The following SLC39A11 variants were observed in gnomAD, a reference collection of about 807,000 sequenced individuals.
SLC39A11 encodes zinc transporter ZIP11.
In SLC39A11, 33 loss-of-function variants were observed where a neutral mutation model predicts 36.1. The ratio of observed to expected loss-of-function variants is 0.91; its 90% CI spans 0.69 to 1.22. The LOEUF is 1.22. Among genes scored for constraint, SLC39A11 ranks in the 50% most tolerant of loss-of-function variants. The pLI is 0.00. For missense variants in SLC39A11, 432 were observed against 430.3 expected (o/e 1.00, Z -0.03); for synonymous variants, 166 against 170.3 (o/e 0.97, Z 0.20).
chr17:72,817,466 A>T (rs1020860946), intron 6 of SLC39A11, among the ~76,000 whole-genome samples: 2 of 151,790 alleles, frequency 1.3e-5, no homozygotes, highest in African/African-American at 4.8e-5. Context: ...TTCATGAGGG[A>T]TCCACCCTCA....
At chr17:73,082,142 A>AAG (rs2060562771) in intron 3 of SLC39A11, among the ~76,000 whole-genome samples, 4 of 146,346 alleles carry the variant, frequency 2.7e-5, no homozygotes, top group African/African-American at 7.4e-5. Context: ...AAAAAAAAAA[A>AAG]GGGCAAAAAT....
At chr17:72,948,211 AC>A (rs1293816339) in intron 4 of SLC39A11, among the ~76,000 whole-genome samples, 3 of 150,648 alleles carry the variant, frequency 2.0e-5, no homozygotes, top group African/African-American at 7.4e-5. Context: ...CACACACAAA[AC>A]CCCACTGCAA....
Position 73,088,324 on chromosome 17 carries a change from G to T in SLC39A11, c.108+333C>A, listed in dbSNP as rs537049007. ...AAAAAAGAAAAAAGAAAAAAGAAAAGAAATTACATGGCAGGTAGAAATTAG... is the reference window on the plus strand; with the variant it reads ...AAAAAAGAAAAAAGAAAAAAGAAAATAAATTACATGGCAGGTAGAAATTAG... On this transcript the variant is annotated intron_variant, in intron 2 of 9. Transcript: ENST00000255559. Among the ~76,000 whole-genome samples, 152 of 151,188 alleles carry T rather than the reference G, an allele frequency of 1.0e-3. 1 individual carries two copies. The highest frequency in any genetic ancestry group is 4.0e-4 in the Non-Finnish European group (27 of 67,778).
intron 6 of SLC39A11, among the ~76,000 whole-genome samples, chr17:72,844,371 C>T (rs2078958829): frequency 6.6e-6 from 1 of 152,118 alleles, no homozygotes; most frequent in African/African-American, 2.4e-5. Context: ...GTTTAAGTAA[C>T]ATTCATGTGC....
intron 4 of SLC39A11, among the ~76,000 whole-genome samples, chr17:72,990,045 C>T (rs2089056003): frequency 6.6e-6 from 1 of 152,192 alleles, no homozygotes; most frequent in Non-Finnish European, 1.5e-5. Flanking sequence ...GTGACTTACC[C>T]ATCTTAGTAC....
At chr17:73,081,855 T>C (rs749923511) in intron 3 of SLC39A11, among the ~76,000 whole-genome samples, 2 of 150,772 alleles carry the variant, frequency 1.3e-5, no homozygotes, top group African/African-American at 4.9e-5. Context: ...CATTATTCTA[T>C]GTGAAGTAAC....
intron 5 of SLC39A11, among the ~76,000 whole-genome samples, chr17:72,905,172 C>CAA (rs58702930): frequency 0.011 from 477 of 42,900 alleles, 121 homozygotes; most frequent in African/African-American, 0.041. Flanking sequence ...GACTCCATCT[C>CAA]AAAAAAAAAA....
chr17:72,904,892 G>A (rs564973142), intron 5 of SLC39A11, among the ~76,000 whole-genome samples: 38 of 152,068 alleles, frequency 2.5e-4, no homozygotes, highest in Admixed American at 1.0e-3. Flanking sequence ...AAGATAGCAC[G>A]GCTGGGCACA....
At chr17:72,826,293 C>T (rs1035176829) in intron 6 of SLC39A11, among the ~76,000 whole-genome samples, 3 of 152,192 alleles carry the variant, frequency 2.0e-5, no homozygotes, top group African/African-American at 7.2e-5. Flanking sequence ...CCTTCCTCTT[C>T]ACCTTCCACC....
chr17:72,924,396 A>G (rs2083909146), intron 5 of SLC39A11, among the ~76,000 whole-genome samples: 1 of 152,084 alleles, frequency 6.6e-6, no homozygotes, highest in African/African-American at 2.4e-5. Context: ...AAGGAGAGAT[A>G]TGTCTGGTAA....
At chr17:72,780,242 G>A (rs1056228928) in intron 6 of SLC39A11, among the ~76,000 whole-genome samples, 4 of 152,210 alleles carry the variant, frequency 2.6e-5, no homozygotes, top group African/African-American at 9.6e-5. Context: ...AAGGGCAAGA[G>A]CTGGATCAAC....
chr17:72,865,063 C>T (rs1005875839), intron 5 of SLC39A11, among the ~76,000 whole-genome samples: 5 of 151,804 alleles, frequency 3.3e-5, no homozygotes, highest in African/African-American at 1.2e-4. Context: ...TGAACAGCAA[C>T]AACAAAAAAA....
chr17:72,847,615 A>G (rs1444346982), intron 6 of SLC39A11, among the ~76,000 whole-genome samples: 1 of 152,168 alleles, frequency 6.6e-6, no homozygotes, highest in Non-Finnish European at 1.5e-5. Context: ...TCTGAGCTTA[A>G]AAAGTAATTA....
At chr17:72,900,140 AAAAGAAAGAAAGAAAAGAAAGAAAGAAAG>A (rs2082279883) in intron 5 of SLC39A11, among the ~76,000 whole-genome samples, 1 of 43,902 alleles carries the variant, frequency 2.3e-5, no homozygotes, top group Non-Finnish European at 4.2e-5. Flanking sequence ...GAAAGAAAGA[AAAAGAAAGAAAGAAAAGAAAGAAAGAAAG>A]AAAGAAAGAA....
At chr17:73,010,818 C>T (rs930378277) in intron 4 of SLC39A11, among the ~76,000 whole-genome samples, 17 of 152,206 alleles carry the variant, frequency 1.1e-4, no homozygotes, top group Non-Finnish European at 1.6e-4. Flanking sequence ...GCCAAAAAAG[C>T]GGTCAATTGC....
rs1471704903 is a variant in SLC39A11, at chr17:72,900,109, A to AAGAG, written c.430+47642_430+47643insCTCT. ...AAGAGAAAGAGAAAAGAAAGAAAGA[A>AAGAG]AAAGAAAGAAAGAAAAGAAAGAAAG... On this transcript the variant is annotated intron_variant, in intron 5 of 9. Coordinates refer to ENST00000255559, the MANE Select transcript of SLC39A11 (RefSeq NM_139177.4). Among the ~76,000 whole-genome samples the AAGAG allele has an allele frequency of 9.5e-5, 10 of 104,972 alleles. 3 individuals carry two copies. The highest frequency in any genetic ancestry group is 5.8e-4 in the African/African-American group (10 of 17,144). The allele number at this position is 104,972 out of a possible 152,430, so 68.9% of individuals were successfully genotyped here.
intron 6 of SLC39A11, among the ~76,000 whole-genome samples, chr17:72,742,223 G>A (rs970808254): frequency 2.6e-5 from 4 of 151,736 alleles, no homozygotes; most frequent in African/African-American, 4.8e-5. Flanking sequence ...AGTATCCTAC[G>A]TGAGGTGGCT....
chr17:72,912,875 C>G (rs1197940075), intron 5 of SLC39A11, among the ~76,000 whole-genome samples: 1 of 152,164 alleles, frequency 6.6e-6, no homozygotes, highest in Non-Finnish European at 1.5e-5. Flanking sequence ...GACCTTCTCC[C>G]CATCCCTCTT....
intron 6 of SLC39A11, among the ~76,000 whole-genome samples, chr17:72,832,357 T>C (rs2078321259): frequency 6.6e-6 from 1 of 152,240 alleles, no homozygotes; most frequent in Non-Finnish European, 1.5e-5. Context: ...TGCAGACTTC[T>C]ACCCCCTCGA....
Sources: allele counts gnomAD v4.1 joint callset (sites outside exome capture counted in the v4.1 genomes callset), GRCh38; gene constraint gnomAD v4.1.1; transcripts MANE v1.5; gene names NCBI Gene and HGNC (gene_info 2026-07-23, HGNC 2026-07-21).